FBXL13: variants seen among roughly 807,000 people sequenced by gnomAD.
FBXL13 encodes F-box and leucine rich repeat protein 13.
FBXL13 carries 67 observed loss-of-function variants against 83.6 expected under a neutral mutation model. The observed-to-expected ratio is 0.80, with a 90% CI of 0.66 to 0.98. FBXL13 has a LOEUF of 0.98. FBXL13 is among the 50% of genes least tolerant of loss of function. FBXL13 has a pLI of 0.00. For missense variants in FBXL13, 822 were observed against 866.5 expected, an observed-to-expected ratio of 0.95 and a Z score of 0.64; for synonymous variants, 272 against 299.5, an observed-to-expected ratio of 0.91 and a Z score of 0.95.
intron 9 of FBXL13, among the ~76,000 whole-genome samples, chr7:102,930,358 C>T (rs1818935914): frequency 6.6e-6 from 1 of 152,068 alleles, no homozygotes; most frequent in Non-Finnish European, 1.5e-5. Context: ...AGCTGACTCT[C>T]CATCATCCTC....
chr7:102,938,980 G>A (rs1820862287), intron 8 of FBXL13, among the ~76,000 whole-genome samples: 2 of 152,060 alleles, frequency 1.3e-5, no homozygotes, highest in East Asian at 1.9e-4. Flanking sequence ...CTAGTGTCAG[G>A]GTGTTCTCAT....
chr7:102,829,618 C>G (rs2129446986), intron 18 of FBXL13, among the ~76,000 whole-genome samples: 1 of 152,272 alleles, frequency 6.6e-6, no homozygotes, highest in East Asian at 1.9e-4. Context: ...CCCAGAGCAA[C>G]CAGCTTTTCC....
chr7:102,967,795 T>C (rs1310501948), intron 7 of FBXL13, among the ~76,000 whole-genome samples: 3 of 152,246 alleles, frequency 2.0e-5, no homozygotes, highest in African/African-American at 7.2e-5. Context: ...TTCATTTATA[T>C]CTACCATTTA....
intron 17 of FBXL13, among the ~76,000 whole-genome samples, chr7:102,843,594 GCGAAACCCCGTCTCTA>G (rs1803384434): frequency 6.6e-6 from 1 of 151,736 alleles, no homozygotes; most frequent in African/African-American, 2.4e-5. Flanking sequence ...GGCCAACGTG[GCGAAACCCCGTCTCTA>G]CGAAAAATAC....
rs75713757 is a variant in FBXL13 at position 102,879,219 on chromosome 7, G to T, written c.1389-769C>A. Among the ~76,000 whole-genome samples, 241 of 152,278 alleles carry T rather than the reference G, an allele frequency of 1.6e-3. 7 individuals carry two copies. The East Asian group carries it at 0.044, about 28-fold the overall frequency. On this transcript the variant is annotated intron_variant, in intron 14 of 19. Coordinates refer to ENST00000313221, the Ensembl canonical transcript of FBXL13. ...CAGTTTCACAACAGCTCTACAGGTG[G>T]GCGTACAGATGGGAAGAACACTGGG...
At chr7:102,983,608 C>A (rs1348660851) in intron 6 of FBXL13, among the ~76,000 whole-genome samples, 4 of 151,676 alleles carry the variant, frequency 2.6e-5, no homozygotes, top group Non-Finnish European at 5.9e-5. Flanking sequence ...TTAGTAGAGA[C>A]GGGGTTTCAC....
chr7:102,821,997 A>G, intron 19 of FBXL13, 43 bp downstream of exon 20: 1 of 1,594,120 alleles, frequency 6.3e-7, no homozygotes, highest in African/African-American at 1.3e-5. Context: ...GTTTTCTCAG[A>G]AAGTAGTTCT....
At position 102,904,574 on chromosome 7, in the gene FBXL13, C is replaced by A. The variant is rs1041208657; in HGVS notation, c.1008+8512G>T. Among the ~76,000 whole-genome samples, 6 of 151,856 alleles carry A rather than the reference C, an allele frequency of 4.0e-5. No homozygotes were observed. In the South Asian group the frequency reaches 1.2e-3, roughly 31 times the overall value. On this transcript the variant is annotated intron_variant, in intron 11 of 19. Coordinates refer to ENST00000313221, the Ensembl canonical transcript of FBXL13. The stretch of plus-strand genomic sequence containing the variant: ...CATTGATCTTTTTTTGTTGTCATTT[C>A]ATTGATCTTTTTGTATTGGTTTTTT...
At chr7:102,981,764 G>A (rs912633364) in intron 6 of FBXL13, among the ~76,000 whole-genome samples, 1 of 152,166 alleles carries the variant, frequency 6.6e-6, no homozygotes, top group Non-Finnish European at 1.5e-5. Flanking sequence ...TCCCATTCAT[G>A]AGGGCTTTGC....
chr7:102,870,830 T>C (rs576253969), intron 16 of FBXL13, among the ~76,000 whole-genome samples: 1 of 152,278 alleles, frequency 6.6e-6, no homozygotes, highest in South Asian at 2.1e-4. Context: ...GCAGGAGTAT[T>C]GCTTCAGCCC....
At chr7:102,829,373 T>C (rs372372309) in intron 18 of FBXL13, among the ~76,000 whole-genome samples, 2 of 152,222 alleles carry the variant, frequency 1.3e-5, no homozygotes, top group African/African-American at 2.4e-5. Flanking sequence ...CACCTACACT[T>C]GTAGGACAGA....
At chr7:102,939,566 C>T (rs1340888024) in intron 8 of FBXL13, 8 of 1,613,546 alleles carry the variant, frequency 5.0e-6, no homozygotes, top group Non-Finnish European at 6.8e-6. Flanking sequence ...GCAGCAATGG[C>T]ATTGAATTCA....
intron 11 of FBXL13, among the ~76,000 whole-genome samples, chr7:102,892,824 T>C (rs911536767): frequency 1.3e-5 from 2 of 152,224 alleles, no homozygotes; most frequent in Admixed American, 6.5e-5. Context: ...ATGTCTATCA[T>C]TTCTCTAGAA....
chr7:102,951,762 G>A (rs1823448403), intron 8 of FBXL13, among the ~76,000 whole-genome samples: 1 of 140,908 alleles, frequency 7.1e-6, no homozygotes, highest in South Asian at 2.2e-4. Context: ...CTGTGATCAT[G>A]CCAGTGTACT....
At position 102,872,432 on chromosome 7, in the gene FBXL13, G is replaced by A. The variant is rs918074674; in HGVS notation, c.1635+5035C>T. Among the ~76,000 whole-genome samples the A allele has an allele frequency of 6.6e-5, 10 of 152,222 alleles. 2 individuals carry two copies. Among genetic ancestry groups the A allele is most frequent in the Admixed American group, 5.9e-4 (9 of 15,284 alleles). ...GGACTCCAGGACCTACATAACAGGC[G>A]CTCAAGATCTTGTACTCATAATAAA... On this transcript the variant is annotated intron_variant, in intron 16 of 19. Transcript: ENST00000313221.
intron 6 of FBXL13, among the ~76,000 whole-genome samples, chr7:103,005,375 T>G (rs1260484350): frequency 6.6e-6 from 1 of 152,126 alleles, no homozygotes; most frequent in Non-Finnish European, 1.5e-5. Context: ...GGCATATATT[T>G]TCTCAGTGAA....
At chr7:102,909,272 C>A (rs1008855846) in intron 11 of FBXL13, among the ~76,000 whole-genome samples, 1 of 151,522 alleles carries the variant, frequency 6.6e-6, no homozygotes, top group Non-Finnish European at 1.5e-5. Flanking sequence ...TGCTGCCTCA[C>A]CTGGGACTCA....
chr7:103,063,431 T>C (rs1798109322), intron 1 of FBXL13, among the ~76,000 whole-genome samples: 1 of 152,210 alleles, frequency 6.6e-6, no homozygotes. Context: ...CCACTTTTTA[T>C]CAGCCAACAT....
intron 12 of FBXL13, 115 bp downstream of exon 13, chr7:102,884,099 C>G (rs556102142): frequency 8.0e-6 from 6 of 752,268 alleles, no homozygotes; most frequent in Non-Finnish European, 1.1e-5. Context: ...GATTTTATTA[C>G]TATTTTAAAA....
Sources: allele counts gnomAD v4.1 joint callset (sites outside exome capture counted in the v4.1 genomes callset), GRCh38; gene constraint gnomAD v4.1.1; transcripts MANE v1.5; gene names NCBI Gene and HGNC (gene_info 2026-07-23, HGNC 2026-07-21).